The following GABRB1 variants were observed in gnomAD, a reference collection of about 807,000 sequenced individuals.
GABRB1 encodes the protein gamma-aminobutyric acid receptor subunit beta-1.
Under a neutral mutation model 51.6 loss-of-function variants are expected in GABRB1, and 17 were observed. That is an observed-to-expected ratio of 0.33 (90% CI 0.23 to 0.49). The LOEUF (loss-of-function observed/expected upper bound fraction) is 0.49. GABRB1 is among the 20% of genes least tolerant of loss of function. GABRB1 has a pLI of 0.99. For missense variants in GABRB1, 410 were observed against 600.6 expected (o/e 0.68, Z 3.32); for synonymous variants, 247 against 218.9 (o/e 1.13, Z -1.14).
chr4:47,115,494 T>A lies in GABRB1; in HGVS notation c.241-45755T>A, dbSNP rs1028868487. Among the ~76,000 whole-genome samples, 3 of 151,010 alleles carry A rather than the reference T, an allele frequency of 2.0e-5. No homozygotes were observed. The East Asian group carries it at 6.1e-4, about 31-fold the overall frequency. On this transcript the variant is annotated intron_variant, in intron 3 of 8. Coordinates refer to ENST00000295454, the MANE Select transcript of GABRB1 (RefSeq NM_000812.4). ...GTGAATTGGAACAATTGACTTTTTA[T>A]GATTTTTTAAATATAAAATCATAAA...
At chr4:47,065,302 T>TAAGA (rs1727029112) in intron 3 of GABRB1, among the ~76,000 whole-genome samples, 1 of 152,220 alleles carries the variant, frequency 6.6e-6, no homozygotes, top group South Asian at 2.1e-4. Context: ...AAAGATTTCT[T>TAAGA]CCCTTGAACC....
chr4:47,192,798 T>C (rs1256128913), intron 4 of GABRB1, among the ~76,000 whole-genome samples: 2 of 152,206 alleles, frequency 1.3e-5, no homozygotes, highest in Non-Finnish European at 2.9e-5. Context: ...GAATATTAAT[T>C]ATAGCTAAAC....
At chr4:47,105,081 C>A (rs1714901138) in intron 3 of GABRB1, among the ~76,000 whole-genome samples, 1 of 152,048 alleles carries the variant, frequency 6.6e-6, no homozygotes, top group Non-Finnish European at 1.5e-5. Context: ...AATAAACACT[C>A]CTTATCTCTT....
At chr4:47,034,548 CAAT>C (rs1408280779) in intron 3 of GABRB1, among the ~76,000 whole-genome samples, 5 of 152,168 alleles carry the variant, frequency 3.3e-5, no homozygotes, top group East Asian at 1.9e-4. Context: ...CTTTCCACAA[CAAT>C]GTTACAGACA....
intron 4 of GABRB1, among the ~76,000 whole-genome samples, chr4:47,289,829 C>T (rs1191750357): frequency 1.3e-5 from 2 of 152,186 alleles, no homozygotes; most frequent in Non-Finnish European, 2.9e-5. Context: ...CTTTTATAAC[C>T]ATTACATTAA....
chr4:47,249,087 G>A (rs1721879429), intron 4 of GABRB1, among the ~76,000 whole-genome samples: 1 of 151,884 alleles, frequency 6.6e-6, no homozygotes, highest in South Asian at 2.1e-4. Context: ...CTCATTCCTT[G>A]AGGTGTGAAT....
intron 4 of GABRB1, among the ~76,000 whole-genome samples, chr4:47,296,944 A>G (rs377405145): frequency 1.3e-5 from 2 of 152,154 alleles, no homozygotes; most frequent in Non-Finnish European, 2.9e-5. Context: ...TAGAACTCAG[A>G]ATTAAGAAAC....
intron 5 of GABRB1, among the ~76,000 whole-genome samples, chr4:47,334,754 G>A (rs146096108): frequency 3.0e-4 from 46 of 152,186 alleles, no homozygotes; most frequent in African/African-American, 9.9e-4. Flanking sequence ...AAGTTTTCCC[G>A]ACTTTATTTA....
In GABRB1 at chr4:47,285,420, A is replaced by G. The variant is rs1267115221; in HGVS notation, c.462-34707A>G. On this transcript the variant is annotated intron_variant, in intron 4 of 8. Transcript: ENST00000295454. ...CATTCACTAAATGGTTTTAAAGTCA[A>G]TTGTTACATTTTTATATAGAACGTA... 3.9e-5 allele frequency among the ~76,000 whole-genome samples: 6 copies of G among 152,338 alleles called. No individual in the cohort carries two copies. The East Asian group carries it at 1.2e-3, about 29-fold the overall frequency.
At chr4:47,406,973 C>G in intron 8 of GABRB1, 47 bp downstream of exon 8, 4 of 1,559,550 alleles carry the variant, frequency 2.6e-6, no homozygotes, top group Non-Finnish European at 3.5e-6. Flanking sequence ...AATTTATCAG[C>G]ATCATGATGC....
intron 5 of GABRB1, among the ~76,000 whole-genome samples, chr4:47,329,225 A>G (rs907149834): frequency 6.6e-6 from 1 of 152,034 alleles, no homozygotes; most frequent in African/African-American, 2.4e-5. Context: ...AAAATATAAG[A>G]AGGCATAGCA....
chr4:47,093,441 C>T (rs543489904), intron 3 of GABRB1, among the ~76,000 whole-genome samples: 2 of 152,272 alleles, frequency 1.3e-5, no homozygotes, highest in East Asian at 3.9e-4. Context: ...ATAAATACTG[C>T]TCATTCTCCT....
chr4:47,391,972 G>A (rs1475514351), intron 5 of GABRB1, among the ~76,000 whole-genome samples: 2 of 152,014 alleles, frequency 1.3e-5, no homozygotes, highest in Non-Finnish European at 2.9e-5. Context: ...ATTCTGCATG[G>A]TATGTTCAGT....
At chr4:47,266,721 C>A (rs1722656456) in intron 4 of GABRB1, among the ~76,000 whole-genome samples, 1 of 152,008 alleles carries the variant, frequency 6.6e-6, no homozygotes, top group South Asian at 2.1e-4. Flanking sequence ...AGAGAATGTT[C>A]CATGCACAGA....
intron 4 of GABRB1, among the ~76,000 whole-genome samples, chr4:47,195,504 T>C (rs961258667): frequency 1.4e-5 from 2 of 146,290 alleles, no homozygotes; most frequent in Admixed American, 6.9e-5. Context: ...GATAGATAGA[T>C]AGAATAAAAT....
At chr4:47,268,583 C>G (rs1722733000) in intron 4 of GABRB1, among the ~76,000 whole-genome samples, 1 of 152,138 alleles carries the variant, frequency 6.6e-6, no homozygotes, top group African/African-American at 2.4e-5. Flanking sequence ...CTCCCCAAAT[C>G]ATAATCCCCA....
intron 4 of GABRB1, among the ~76,000 whole-genome samples, chr4:47,201,870 A>G (rs1407435853): frequency 6.6e-6 from 1 of 152,172 alleles, no homozygotes; most frequent in Admixed American, 6.6e-5. Flanking sequence ...TTTCAGACAA[A>G]TATAAGCACA....
chr4:46,998,031 A>T (rs897195707), intron 1 of GABRB1, among the ~76,000 whole-genome samples: 1 of 152,174 alleles, frequency 6.6e-6, no homozygotes, highest in African/African-American at 2.4e-5. Flanking sequence ...ACCAGCTTAC[A>T]TTCCCACCAA....
At chr4:47,190,871 CTT>C (rs2109783099) in intron 4 of GABRB1, among the ~76,000 whole-genome samples, 1 of 152,266 alleles carries the variant, frequency 6.6e-6, no homozygotes, top group East Asian at 1.9e-4. Flanking sequence ...GCATGGAAAA[CTT>C]AGTCTATGCC....
Sources: gnomAD v4.1 joint callset for allele counts (sites outside exome capture counted in the v4.1 genomes callset) on GRCh38, gnomAD v4.1.1 for gene constraint, MANE v1.5 for transcripts, NCBI Gene and HGNC (gene_info 2026-07-23, HGNC 2026-07-21) for gene names.